PDE4D: variants seen among roughly 807,000 people sequenced by gnomAD.
PDE4D encodes the protein 3',5'-cyclic-AMP phosphodiesterase 4D.
Under a neutral mutation model 87.4 loss-of-function variants are expected in PDE4D, and 24 were observed. The ratio of observed to expected loss-of-function variants is 0.27; its 90% CI spans 0.20 to 0.39. PDE4D has a LOEUF of 0.39. PDE4D is among the 10% of genes least tolerant of loss of function. The pLI is 1.00. For missense variants in PDE4D, 714 were observed against 1,041.0 expected (o/e 0.69, Z 4.32); for synonymous variants, 384 against 383.2 (o/e 1.00, Z -0.02).
chr5:59,883,405 A>C (rs1386975271), intron 1 of PDE4D, among the ~76,000 whole-genome samples: 1 of 152,140 alleles, frequency 6.6e-6, no homozygotes, highest in East Asian at 1.9e-4. Context: ...AATGGTGCAC[A>C]CTTAGTGTTC....
At chr5:60,337,260 G>C (rs914849383) in intron 1 of PDE4D, among the ~76,000 whole-genome samples, 6 of 150,004 alleles carry the variant, frequency 4.0e-5, no homozygotes, top group Admixed American at 2.7e-4. Flanking sequence ...TTGAACCCGG[G>C]GGGTAGAGGT....
chr5:59,410,373 T>C (rs1279886344), intron 1 of PDE4D, among the ~76,000 whole-genome samples: 4 of 152,074 alleles, frequency 2.6e-5, no homozygotes, highest in African/African-American at 9.7e-5. Flanking sequence ...CAGCTTCCCA[T>C]GTAGCTGAGA....
intron 1 of PDE4D, among the ~76,000 whole-genome samples, chr5:59,572,328 C>T (rs1167936201): frequency 1.3e-5 from 2 of 152,136 alleles, no homozygotes; most frequent in Non-Finnish European, 2.9e-5. Context: ...CAAAATTTGG[C>T]AAGACATACC....
chr5:59,717,984 T>C (rs1269395215), intron 1 of PDE4D, among the ~76,000 whole-genome samples: 5 of 152,220 alleles, frequency 3.3e-5, no homozygotes, highest in Non-Finnish European at 7.3e-5. Context: ...TTGCAAATGC[T>C]CTAGCCATTC....
chr5:59,431,941 C>T lies in PDE4D; in HGVS notation c.456-215973G>A, dbSNP rs1337205558. Among the ~76,000 whole-genome samples the T allele has an allele frequency of 2.6e-5, 4 of 152,206 alleles. No individual in the cohort carries two copies. In the East Asian group the frequency reaches 7.7e-4, roughly 29 times the overall value. On this transcript the variant is annotated intron_variant, in intron 1 of 14. Coordinates refer to ENST00000340635, the MANE Select transcript of PDE4D (RefSeq NM_001104631.2). ...ATAGCCTCCAGTTCCATCCATGTCC[C>T]TGCAAAAGACACGCTCTCATTCTTT...
At chr5:59,665,171 A>T (rs1007152871) in intron 1 of PDE4D, among the ~76,000 whole-genome samples, 3 of 152,202 alleles carry the variant, frequency 2.0e-5, no homozygotes, top group African/African-American at 7.2e-5. Flanking sequence ...CACAGCAGAA[A>T]CTTGAGTATG....
chr5:59,266,271 AT>A (rs35954639), intron 1 of PDE4D, among the ~76,000 whole-genome samples: 1 of 10,266 alleles, frequency 9.7e-5, no homozygotes, highest in Admixed American at 1.1e-3. Flanking sequence ...CTGTCTCTAA[AT>A]ATATATATAT....
At chr5:60,096,668 C>T (rs1443035431) in intron 2 of PDE4D, among the ~76,000 whole-genome samples, 1 of 152,068 alleles carries the variant, frequency 6.6e-6, no homozygotes, top group African/African-American at 2.4e-5. Context: ...AGGAAGTTTA[C>T]TCTTACAAGT....
At chr5:59,860,924 C>T (rs1561780218) in intron 1 of PDE4D, among the ~76,000 whole-genome samples, 1 of 151,510 alleles carries the variant, frequency 6.6e-6, no homozygotes, top group Non-Finnish European at 1.5e-5. Flanking sequence ...AATGGTACGA[C>T]CTTGGCTCAC....
In PDE4D at chr5:59,613,905, C is replaced by T. The variant is rs576681641; in HGVS notation, c.455+279263G>A. Among the ~76,000 whole-genome samples, 8 of 151,924 alleles carry T rather than the reference C, an allele frequency of 5.3e-5. No individual in the cohort carries two copies. In the South Asian group the frequency reaches 1.0e-3, roughly 20 times the overall value. ...CAAAATTACATTACATTAAGACTGC[C>T]GTTAAATTAATTTAGTAATGCTTCA... On this transcript the variant is annotated intron_variant, in intron 1 of 14. Coordinates refer to ENST00000340635, the MANE Select transcript of PDE4D (RefSeq NM_001104631.2).
At chr5:59,133,974 G>A (rs972928943) in intron 5 of PDE4D, among the ~76,000 whole-genome samples, 1 of 134,588 alleles carries the variant, frequency 7.4e-6, no homozygotes, top group Non-Finnish European at 1.6e-5. Flanking sequence ...TTGTAACTTA[G>A]CAACTAGTTT....
At chr5:59,072,479 C>T (rs1765008098) in intron 5 of PDE4D, among the ~76,000 whole-genome samples, 3 of 152,272 alleles carry the variant, frequency 2.0e-5, no homozygotes, top group East Asian at 1.9e-4. Context: ...TTCAGAATGG[C>T]ACTCAGTCTT....
intron 1 of PDE4D, among the ~76,000 whole-genome samples, chr5:59,313,876 G>T (rs567845405): frequency 7.9e-5 from 12 of 152,054 alleles, no homozygotes; most frequent in Non-Finnish European, 1.3e-4. Context: ...AGCTATCAAA[G>T]TTCCTGGCAC....
chr5:60,477,982 T>C (rs924769033), intron 1 of PDE4D, among the ~76,000 whole-genome samples: 14 of 152,204 alleles, frequency 9.2e-5, no homozygotes, highest in African/African-American at 3.4e-4. Flanking sequence ...TCCATGATTA[T>C]CCTTTTAATC....
chr5:59,441,364 T>C (rs974290702), intron 1 of PDE4D, among the ~76,000 whole-genome samples: 3 of 152,260 alleles, frequency 2.0e-5, no homozygotes, highest in African/African-American at 7.2e-5. Flanking sequence ...CCCAAAGTGC[T>C]GCGATTACAG....
In PDE4D at chr5:60,330,604, G is replaced by A. The variant is rs111811080; in HGVS notation, c.-89-144917C>T. Among the ~76,000 whole-genome samples, 11 of 152,252 alleles carry A rather than the reference G, an allele frequency of 7.2e-5. 1 individual carries two copies. The highest frequency in any genetic ancestry group is 1.9e-4 in the African/African-American group (8 of 41,556). ...AACTACAGCCCAGACAAGCAGGGCC[G>A]CACCAACAGAGGGACCCTGCCAATC... On this transcript the variant is annotated intron_variant, in intron 1 of 16. Coordinates refer to the PDE4D transcript ENST00000502484.
intron 1 of PDE4D, among the ~76,000 whole-genome samples, chr5:59,462,464 C>T (rs1171050756): frequency 1.3e-5 from 2 of 152,112 alleles, no homozygotes; most frequent in Non-Finnish European, 2.9e-5. Context: ...ATCTCCAACA[C>T]ATCAGTATAG....
At chr5:59,180,499 A>C (rs1741270369) in intron 5 of PDE4D, 96 bp downstream of exon 5, 4 of 935,352 alleles carry the variant, frequency 4.3e-6, no homozygotes, top group Non-Finnish European at 6.9e-6. Context: ...AACATTTTCA[A>C]ATTGCAGCAT....
intron 1 of PDE4D, among the ~76,000 whole-genome samples, chr5:59,464,497 G>A (rs1251608657): frequency 6.6e-6 from 1 of 152,172 alleles, no homozygotes; most frequent in Non-Finnish European, 1.5e-5. Flanking sequence ...CTTTGTTCAC[G>A]TGTTTGTCTG....
Sources: allele counts gnomAD v4.1 joint callset (sites outside exome capture counted in the v4.1 genomes callset), GRCh38; gene constraint gnomAD v4.1.1; transcripts MANE v1.5; gene names NCBI Gene and HGNC (gene_info 2026-07-23, HGNC 2026-07-21).